PTPRM: variants seen among roughly 807,000 people sequenced by gnomAD.
PTPRM encodes receptor-type tyrosine-protein phosphatase mu.
PTPRM carries 47 observed loss-of-function variants against 186.7 expected under a neutral mutation model. The ratio of observed to expected loss-of-function variants is 0.25; its 90% CI spans 0.20 to 0.32. The LOEUF (loss-of-function observed/expected upper bound fraction) is 0.32. PTPRM is among the 10% of genes least tolerant of loss of function. The probability of loss-of-function intolerance (pLI) is 1.00; values close to 1 mark genes in which losing one functional copy is unlikely to be tolerated. For synonymous variants in PTPRM, 668 were observed against 674.9 expected, an observed-to-expected ratio of 0.99 and a Z score of 0.16; for missense variants, 1,494 against 1,865.0, an observed-to-expected ratio of 0.80 and a Z score of 3.66.
intron 7 of PTPRM, among the ~76,000 whole-genome samples, chr18:7,977,825 C>T (rs1273807853): frequency 1.4e-4 from 22 of 152,196 alleles, no homozygotes; most frequent in Admixed American, 1.4e-3. Context: ...CAGGAGTCTC[C>T]TGTCTTCTGC....
intron 9 of PTPRM, among the ~76,000 whole-genome samples, chr18:8,081,245 A>T (rs2090110883): frequency 6.6e-6 from 1 of 152,202 alleles, no homozygotes; most frequent in Non-Finnish European, 1.5e-5. Context: ...TCAGGCACTT[A>T]CCTGCAAATC....
Position 7,668,002 on chromosome 18 carries a change from C to T in PTPRM, c.73+100111C>T, listed in dbSNP as rs1433731197. Reference sequence around the variant, plus strand: ...AGAGAGGTAATCGAAGGGCAGTCCACCTACGTGCCACAAGTTCTGAGTAAA... The same window carrying T: ...AGAGAGGTAATCGAAGGGCAGTCCATCTACGTGCCACAAGTTCTGAGTAAA... On this transcript the variant is annotated intron_variant, in intron 1 of 32. Coordinates refer to ENST00000580170, the MANE Select transcript of PTPRM (RefSeq NM_001105244.2). This position sits in a 1 kb window ranked among gnomAD's most constrained non-coding sequence, Gnocchi z 4.7. Among the ~76,000 whole-genome samples the T allele has an allele frequency of 3.9e-5, 6 of 152,094 alleles. No homozygotes were observed. The highest frequency in any genetic ancestry group is 5.9e-5 in the Non-Finnish European group (4 of 68,028).
intron 14 of PTPRM, among the ~76,000 whole-genome samples, chr18:8,233,104 C>CATG (rs1454235810): frequency 1.3e-5 from 2 of 152,210 alleles, no homozygotes; most frequent in African/African-American, 4.8e-5. Context: ...ATCCTGCATT[C>CATG]ATGATAAACA....
intron 2 of PTPRM, among the ~76,000 whole-genome samples, chr18:7,787,436 G>A (rs1433505347): frequency 6.6e-6 from 1 of 152,206 alleles, no homozygotes; most frequent in Non-Finnish European, 1.5e-5. Flanking sequence ...TGACTTAGAT[G>A]TTACTGCACA....
chr18:7,694,241 C>T (rs1397314472), intron 1 of PTPRM, among the ~76,000 whole-genome samples: 1 of 152,126 alleles, frequency 6.6e-6, no homozygotes, highest in African/African-American at 2.4e-5. Flanking sequence ...GTGTGTTAGT[C>T]TTAGTGAATT....
intron 7 of PTPRM, among the ~76,000 whole-genome samples, chr18:7,963,552 C>G (rs2053821665): frequency 6.6e-6 from 1 of 152,206 alleles, no homozygotes; most frequent in African/African-American, 2.4e-5. Context: ...CCTCAACTTC[C>G]TCTAGGCTTG....
At chr18:7,635,594 A>G (rs1333799820) in intron 1 of PTPRM, among the ~76,000 whole-genome samples, 2 of 151,574 alleles carry the variant, frequency 1.3e-5, no homozygotes, top group Non-Finnish European at 2.9e-5. Flanking sequence ...TGTACATTGT[A>G]AAGGATTAAT....
intron 1 of PTPRM, among the ~76,000 whole-genome samples, chr18:7,653,118 T>TTTATTA (rs150577417): frequency 0.026 from 3,755 of 145,474 alleles, 133 homozygotes; most frequent in African/African-American, 0.081. Context: ...CACTATGTAC[T>TTTATTA]TTATTATTAT....
chr18:8,159,954 G>A (rs1000069754), intron 14 of PTPRM, among the ~76,000 whole-genome samples: 11 of 151,696 alleles, frequency 7.3e-5, no homozygotes, highest in Non-Finnish European at 1.2e-4. Context: ...GACTCCCTAC[G>A]TGTAGTAGTA....
In PTPRM at chr18:7,903,467, G is replaced by A. The variant is rs60825749; in HGVS notation, c.469-3038G>A. Among the ~76,000 whole-genome samples the A allele has an allele frequency of 6.2e-3, 937 of 152,226 alleles. 9 individuals carry two copies. The highest frequency in any genetic ancestry group is 0.021 in the African/African-American group (883 of 41,544). On this transcript the variant is annotated intron_variant, in intron 3 of 32. Transcript: ENST00000580170. ...AGGCAGGATGTGACTGTTATTGAGG[G>A]GACCTGTTTTGAGGGCCTCAGGAAT...
intron 1 of PTPRM, among the ~76,000 whole-genome samples, chr18:7,772,388 TTTCTTTCTTTCTTTCTTTCTTTC>T (rs1330729775): frequency 1.5e-5 from 2 of 137,242 alleles, no homozygotes; most frequent in Non-Finnish European, 3.2e-5. Flanking sequence ...TCTTTCTTTC[TTTCTTTCTTTCTTTCTTTCTTTC>T]TTTTCTTTCT....
chr18:7,681,370 T>C (rs1469422590), intron 1 of PTPRM, among the ~76,000 whole-genome samples: 2 of 152,136 alleles, frequency 1.3e-5, no homozygotes, highest in Non-Finnish European at 2.9e-5. Flanking sequence ...TAGCCCACAC[T>C]TTATAGGACT....
intron 2 of PTPRM, among the ~76,000 whole-genome samples, chr18:7,826,757 C>CTGTGTATG (rs1402989635): frequency 6.6e-6 from 1 of 152,132 alleles, no homozygotes; most frequent in Non-Finnish European, 1.5e-5. Context: ...TTTCCTTTTA[C>CTGTGTATG]CCTTTTTCTG....
At chr18:8,017,983 A>C (rs1282387476) in intron 7 of PTPRM, 2 of 152,240 alleles carry the variant, frequency 1.3e-5, no homozygotes, top group African/African-American at 4.8e-5. Flanking sequence ...TTCTTGCTAA[A>C]TACAAGAACT....
In PTPRM at chr18:7,567,873, G is replaced by C; in HGVS notation, c.55G>C (p.Ala19Pro). 6.4e-7 allele frequency: 1 copy of C among 1,561,964 alleles called. No individual in the cohort carries two copies. The highest frequency in any genetic ancestry group is 8.6e-7 in the Non-Finnish European group (1 of 1,158,248). ...TTTGGCCGGACTTTTGCTAACTGCG[G>C]CGGGCGAGACGTTCTCAGGTAAGCG... is the stretch of plus-strand genomic sequence containing the variant. ...ATLAGLLLTA[A>P]GETFSGGCLF... The change falls in exon 1 of 33, where the codon GCG becomes CCG. Residue 19 changes from alanine (A) to proline (P), a missense_variant. Coordinates refer to ENST00000580170, the MANE Select transcript of PTPRM (RefSeq NM_001105244.2). The surrounding 1 kb of genome is among the most constrained non-coding windows in gnomAD (Gnocchi z 4.3).
At chr18:8,246,978 T>C (rs1054173371) in intron 15 of PTPRM, among the ~76,000 whole-genome samples, 3 of 152,158 alleles carry the variant, frequency 2.0e-5, no homozygotes, top group Admixed American at 2.0e-4. Flanking sequence ...ATCAAACAGA[T>C]CATGTAACTA....
intron 1 of PTPRM, among the ~76,000 whole-genome samples, chr18:7,757,051 G>C (rs775000960): frequency 6.6e-6 from 1 of 152,118 alleles, no homozygotes; most frequent in Non-Finnish European, 1.5e-5. Context: ...TTCTCATAAC[G>C]GGCCACCTGT....
intron 22 of PTPRM, among the ~76,000 whole-genome samples, chr18:8,341,724 G>C (rs542954820): frequency 6.6e-6 from 1 of 151,616 alleles, no homozygotes; most frequent in African/African-American, 2.4e-5. Flanking sequence ...GGCTGTTTGC[G>C]CAAAGAAGGA....
intron 9 of PTPRM, among the ~76,000 whole-genome samples, chr18:8,079,374 GT>G (rs2090003365): frequency 6.6e-6 from 1 of 152,098 alleles, no homozygotes; most frequent in East Asian, 1.9e-4. Flanking sequence ...ATTTTGTCGA[GT>G]TGTCAATTTA....
Sources: allele counts gnomAD v4.1 joint callset (sites outside exome capture counted in the v4.1 genomes callset), GRCh38; gene constraint gnomAD v4.1.1; non-coding constraint Gnocchi (gnomAD v3.1); transcripts MANE v1.5; gene names NCBI Gene and HGNC (gene_info 2026-07-23, HGNC 2026-07-21).